MYLK: variants seen among roughly 807,000 people sequenced by gnomAD.
MYLK encodes the protein myosin light chain kinase, smooth muscle.
In MYLK, 106 loss-of-function variants were observed where a neutral mutation model predicts 203.4. The ratio of observed to expected loss-of-function variants is 0.52; its 90% CI spans 0.45 to 0.61. The LOEUF is 0.61. MYLK is among the 20% of genes least tolerant of loss of function. MYLK has a pLI of 0.00. For missense variants in MYLK, 2,072 were observed against 2,442.3 expected (o/e 0.85, Z 3.20); for synonymous variants, 867 against 959.5 (o/e 0.90, Z 1.78).
chr3:123,763,510 T>C (rs1218068474), intron 4 of MYLK, among the ~76,000 whole-genome samples: 1 of 152,254 alleles, frequency 6.6e-6, no homozygotes, highest in Non-Finnish European at 1.5e-5. Context: ...GTATCCACAT[T>C]CTACCTTTAT....
chr3:123,649,526 A>C (rs772881654), intron 24 of MYLK, among the ~76,000 whole-genome samples: 2 of 152,056 alleles, frequency 1.3e-5, no homozygotes. Flanking sequence ...CCTACACACA[A>C]CTGTGACAGT....
rs1347932739 is a variant in MYLK, at chr3:123,681,801, C to T, written c.3652+423G>A. The T allele has an allele frequency of 8.1e-5, 20 of 246,944 alleles. No individual in the cohort carries two copies. In the Admixed American group the frequency reaches 9.7e-4, roughly 12 times the overall value. The allele number at this position is 246,944 out of a possible 1,614,324, so 15.3% of individuals were successfully genotyped here. ...GAGCTTTGCTTGTGGGTTTTGCAGG[C>T]TCTGGGGGCCACTGCATATTTCAAC... On this transcript the variant is annotated intron_variant, in intron 20 of 33. Transcript: ENST00000360304.
intron 12 of MYLK, among the ~76,000 whole-genome samples, chr3:123,725,177 A>G (rs2062236110): frequency 6.6e-6 from 1 of 152,156 alleles, no homozygotes. Context: ...TCACCCGACC[A>G]CTCAGTGGTG....
intron 4 of MYLK, among the ~76,000 whole-genome samples, chr3:123,754,246 G>A (rs2063294952): frequency 6.6e-6 from 1 of 152,132 alleles, no homozygotes; most frequent in Non-Finnish European, 1.5e-5. Context: ...CTCCCAAAGT[G>A]AACAATCCCT....
chr3:123,654,197 A>G (rs2059318765), intron 24 of MYLK, among the ~76,000 whole-genome samples: 1 of 152,224 alleles, frequency 6.6e-6, no homozygotes, highest in African/African-American at 2.4e-5. Context: ...GACATGGCTC[A>G]ACGGGTAAAG....
chr3:123,671,967 A>T (rs994947742), intron 20 of MYLK, among the ~76,000 whole-genome samples: 25 of 152,016 alleles, frequency 1.6e-4, no homozygotes, highest in Admixed American at 1.5e-3. Flanking sequence ...TGATCTCTGG[A>T]GAGAGGAGGC....
chr3:123,778,186 A>G (rs1417561800), intron 4 of MYLK, among the ~76,000 whole-genome samples: 2 of 152,176 alleles, frequency 1.3e-5, no homozygotes, highest in East Asian at 3.8e-4. Context: ...GTAAGGGGCA[A>G]AAAGTCTTAC....
intron 4 of MYLK, among the ~76,000 whole-genome samples, chr3:123,758,382 T>A (rs1483088325): frequency 6.6e-6 from 1 of 152,192 alleles, no homozygotes; most frequent in East Asian, 1.9e-4. Flanking sequence ...CCCACCCCCA[T>A]GTCCAACTTG....
intron 20 of MYLK, among the ~76,000 whole-genome samples, chr3:123,679,037 G>C (rs113295601): frequency 0.04 from 6,157 of 152,202 alleles, 397 homozygotes; most frequent in African/African-American, 0.14. Context: ...GGCCGGGCGC[G>C]GTGGCTCACG....
chr3:123,822,306 C>T (rs1381723732), intron 3 of MYLK, among the ~76,000 whole-genome samples: 1 of 152,206 alleles, frequency 6.6e-6, no homozygotes, highest in African/African-American at 2.4e-5. Flanking sequence ...ACCCTCAGGC[C>T]TGGGTACTCC....
chr3:123,724,975 C>T (rs557031916), intron 12 of MYLK, among the ~76,000 whole-genome samples: 11 of 152,214 alleles, frequency 7.2e-5, no homozygotes, highest in Admixed American at 1.3e-4. Context: ...GAACTCCTGA[C>T]CTCAGGTGAT....
chr3:123,699,861 G>C (rs2061107781), intron 18 of MYLK, among the ~76,000 whole-genome samples, 159 bp downstream of exon 18: 1 of 152,184 alleles, frequency 6.6e-6, no homozygotes. Flanking sequence ...CAGGAAACAG[G>C]GACGCGGCCC....
At chr3:123,697,711 A>G (rs1281401920) in intron 18 of MYLK, among the ~76,000 whole-genome samples, 2 of 152,244 alleles carry the variant, frequency 1.3e-5, no homozygotes, top group Non-Finnish European at 1.5e-5. Context: ...TCTAACACAT[A>G]GTGTTCAACA....
At chr3:123,883,593 A>G (rs2033677150) in intron 1 of MYLK, among the ~76,000 whole-genome samples, 1 of 152,206 alleles carries the variant, frequency 6.6e-6, no homozygotes, top group Non-Finnish European at 1.5e-5. Flanking sequence ...GACAACTCAC[A>G]TCTCCTGAGA....
intron 2 of MYLK, among the ~76,000 whole-genome samples, chr3:123,867,612 G>T (rs2032424305): frequency 6.6e-6 from 1 of 152,114 alleles, no homozygotes; most frequent in African/African-American, 2.4e-5. Context: ...GAAGCCAGAA[G>T]AGTCAAGGAA....
chr3:123,774,309 T>C (rs2063985528), intron 4 of MYLK, among the ~76,000 whole-genome samples: 1 of 152,166 alleles, frequency 6.6e-6, no homozygotes, highest in South Asian at 2.1e-4. Flanking sequence ...ACAATACTTT[T>C]GCAGGGTCAG....
intron 2 of MYLK, among the ~76,000 whole-genome samples, chr3:123,832,771 G>C (rs1019489709): frequency 2.0e-5 from 3 of 152,112 alleles, no homozygotes; most frequent in Non-Finnish European, 4.4e-5. Context: ...CAAATCTGCT[G>C]GTGTCTTGAT....
intron 5 of MYLK, among the ~76,000 whole-genome samples, chr3:123,749,074 AATACATAC>A (rs60797453): frequency 0.021 from 2,919 of 142,306 alleles, 98 homozygotes; most frequent in African/African-American, 0.069. Flanking sequence ...GTCTCAGAAA[AATACATAC>A]ATACATACAT....
At chr3:123,753,660 A>G (rs374085125) in intron 4 of MYLK, among the ~76,000 whole-genome samples, 1 of 152,158 alleles carries the variant, frequency 6.6e-6, no homozygotes, top group African/African-American at 2.4e-5. Flanking sequence ...AAGTCCCCCA[A>G]GGGCCTTCAA....
Sources: gnomAD v4.1 joint callset for allele counts (sites outside exome capture counted in the v4.1 genomes callset) on GRCh38, gnomAD v4.1.1 for gene constraint, MANE v1.5 for transcripts, NCBI Gene and HGNC (gene_info 2026-07-23, HGNC 2026-07-21) for gene names.